ADCY8: variants seen among roughly 807,000 people sequenced by gnomAD.
ADCY8 encodes the protein adenylate cyclase type 8.
Under a neutral mutation model 119.7 loss-of-function variants are expected in ADCY8, and 51 were observed. That is an observed-to-expected ratio of 0.43 (90% CI 0.34 to 0.54). ADCY8 has a LOEUF of 0.54. Among genes scored for constraint, ADCY8 ranks in the 20% least tolerant of loss-of-function variants. The probability of loss-of-function intolerance (pLI) is 0.03; values close to 1 mark genes in which losing one functional copy is unlikely to be tolerated. For missense variants in ADCY8, 1,383 were observed against 1,598.8 expected, an observed-to-expected ratio of 0.87 and a Z score of 2.30; for synonymous variants, 665 against 651.0, an observed-to-expected ratio of 1.02 and a Z score of -0.33.
chr8:130,798,156 T>G (rs1009381076), intron 15 of ADCY8, among the ~76,000 whole-genome samples: 1 of 152,164 alleles, frequency 6.6e-6, no homozygotes, highest in Admixed American at 6.5e-5. Context: ...CCTATAGAGA[T>G]TAGTAACATG....
At chr8:131,010,835 GA>G (rs1823278343) in intron 1 of ADCY8, among the ~76,000 whole-genome samples, 1 of 152,178 alleles carries the variant, frequency 6.6e-6, no homozygotes, top group South Asian at 2.1e-4. Context: ...ATACAGAAAG[GA>G]AATTTGGCTA....
intron 17 of ADCY8, among the ~76,000 whole-genome samples, chr8:130,782,828 C>T (rs1479357730): frequency 2.0e-5 from 3 of 152,192 alleles, no homozygotes; most frequent in Non-Finnish European, 4.4e-5. Context: ...TTCTTGAAAG[C>T]TGCTAAGGGA....
intron 1 of ADCY8, among the ~76,000 whole-genome samples, chr8:131,003,057 C>T (rs753793179): frequency 6.6e-6 from 1 of 152,082 alleles, no homozygotes; most frequent in Admixed American, 6.5e-5. Flanking sequence ...AAAAATTAGC[C>T]GGGCATGGTG....
intron 5 of ADCY8, among the ~76,000 whole-genome samples, chr8:130,919,868 G>A (rs1820247060): frequency 6.6e-6 from 1 of 152,118 alleles, no homozygotes; most frequent in Non-Finnish European, 1.5e-5. Flanking sequence ...GCAATGAGCT[G>A]AAGTCACTTC....
At chr8:130,848,843 A>ATGACAATGTGGGTCAGCAATTTGC (rs1817419014) in intron 10 of ADCY8, among the ~76,000 whole-genome samples, 1 of 152,228 alleles carries the variant, frequency 6.6e-6, no homozygotes, top group African/African-American at 2.4e-5. Flanking sequence ...AAATGAAACC[A>ATGACAATGTGGGTCAGCAATTTGC]TGACAATGTG....
At chr8:130,918,918 G>C (rs1820212489) in intron 5 of ADCY8, among the ~76,000 whole-genome samples, 1 of 152,174 alleles carries the variant, frequency 6.6e-6, no homozygotes, top group Non-Finnish European at 1.5e-5. Context: ...AAAATTAGCT[G>C]GGCATGGTGG....
intron 4 of ADCY8, among the ~76,000 whole-genome samples, chr8:130,942,048 C>T (rs1820972088): frequency 6.6e-6 from 1 of 152,186 alleles, no homozygotes; most frequent in African/African-American, 2.4e-5. Context: ...CACCCCACCC[C>T]ATGCTCCATT....
chr8:130,887,308 G>A (rs1819025292), intron 7 of ADCY8, among the ~76,000 whole-genome samples: 1 of 152,032 alleles, frequency 6.6e-6, no homozygotes, highest in South Asian at 2.1e-4. Flanking sequence ...CATTCTATTG[G>A]CTGTCTATGT....
At chr8:130,891,447 T>C (rs887998898) in intron 7 of ADCY8, among the ~76,000 whole-genome samples, 2 of 152,170 alleles carry the variant, frequency 1.3e-5, no homozygotes, top group African/African-American at 4.8e-5. Flanking sequence ...TAATATACAA[T>C]TATGTGGTAC....
chr8:130,982,568 C>T (rs1323295015), intron 2 of ADCY8, among the ~76,000 whole-genome samples: 1 of 152,150 alleles, frequency 6.6e-6, no homozygotes, highest in Non-Finnish European at 1.5e-5. Flanking sequence ...AGGAAACTCA[C>T]ATACAAAATG....
intron 2 of ADCY8, among the ~76,000 whole-genome samples, chr8:130,979,697 AT>A: frequency 6.6e-6 from 1 of 152,286 alleles, no homozygotes; most frequent in Non-Finnish European, 1.5e-5. Context: ...CAAATTCCTC[AT>A]CTATAAAATG....
intron 2 of ADCY8, among the ~76,000 whole-genome samples, chr8:130,970,266 C>T (rs1563750011): frequency 6.6e-6 from 1 of 152,182 alleles, no homozygotes; most frequent in Non-Finnish European, 1.5e-5. Context: ...CAGCCACTCC[C>T]CATTGCTCAC....
At chr8:130,906,039 T>C (rs1326792262) in intron 6 of ADCY8, among the ~76,000 whole-genome samples, 4 of 152,240 alleles carry the variant, frequency 2.6e-5, no homozygotes, top group Non-Finnish European at 5.9e-5. Context: ...TGATACTTCA[T>C]GTTCTCCACA....
intron 1 of ADCY8, among the ~76,000 whole-genome samples, chr8:131,037,385 A>C (rs1824189661): frequency 6.6e-6 from 1 of 152,172 alleles, no homozygotes; most frequent in Non-Finnish European, 1.5e-5. Context: ...ATGGAGCCAA[A>C]ATTTACTTTC....
chr8:130,944,151 C>A (rs1386359095), intron 3 of ADCY8, among the ~76,000 whole-genome samples: 1 of 152,162 alleles, frequency 6.6e-6, no homozygotes, highest in African/African-American at 2.4e-5. Context: ...CTCTGTGGGG[C>A]AAGCATAGTT....
intron 2 of ADCY8, among the ~76,000 whole-genome samples, chr8:130,978,440 A>T (rs1003299378): frequency 6.6e-6 from 1 of 152,224 alleles, no homozygotes; most frequent in African/African-American, 2.4e-5. Context: ...GAAGAAAATG[A>T]TTCTTCAATA....
intron 10 of ADCY8, 126 bp downstream of exon 10, chr8:130,849,476 G>T (rs569238474): frequency 3.2e-6 from 3 of 951,758 alleles, no homozygotes; most frequent in South Asian, 1.6e-5. Flanking sequence ...CTAAGCTTGG[G>T]GCTGGACCAG....
intron 5 of ADCY8, among the ~76,000 whole-genome samples, chr8:130,929,210 G>A (rs1243837358): frequency 6.6e-6 from 1 of 151,752 alleles, no homozygotes; most frequent in African/African-American, 2.4e-5. Flanking sequence ...GTTTGTTCTT[G>A]TTTTTCTAGT....
rs1405401874 is a variant in ADCY8, at chr8:131,038,703, C to A, written c.960+671G>T. ...TAATCAAAACTTGCATTCTTTGCCA[C>A]CCCCAATTACTGAGGTTGGTTTATT... On this transcript the variant is annotated intron_variant, in intron 1 of 17. Transcript: ENST00000286355. Among the ~76,000 whole-genome samples, 4 of 152,140 alleles carry A rather than the reference C, an allele frequency of 2.6e-5. No homozygotes were observed. In the East Asian group the frequency reaches 7.7e-4, roughly 29 times the overall value.
Sources: gnomAD v4.1 joint callset for allele counts (sites outside exome capture counted in the v4.1 genomes callset) on GRCh38, gnomAD v4.1.1 for gene constraint, MANE v1.5 for transcripts, NCBI Gene and HGNC (gene_info 2026-07-23, HGNC 2026-07-21) for gene names.